The following RNF32 variants were observed in gnomAD, a reference collection of about 807,000 sequenced individuals.
RNF32 encodes ring finger protein 32.
A neutral mutation model predicts 41.0 loss-of-function variants in RNF32; 36 were observed. The ratio of observed to expected loss-of-function variants is 0.88; its 90% confidence interval spans 0.67 to 1.16. The LOEUF (loss-of-function observed/expected upper bound fraction) is 1.16, where lower values mean the gene tolerates loss of function less well. Ranked by LOEUF, RNF32 falls within the 50% of genes most tolerant of loss-of-function variation. The probability of loss-of-function intolerance (pLI) is 0.00; values close to 1 mark genes in which losing one functional copy is unlikely to be tolerated. For synonymous variants in RNF32, 154 were observed against 160.9 expected (o/e 0.96, Z 0.32); for missense variants, 413 against 436.7 (o/e 0.95, Z 0.48).
intron 3 of RNF32, among the ~76,000 whole-genome samples, chr7:156,650,516 C>T (rs147600522): frequency 6.6e-6 from 1 of 152,302 alleles, no homozygotes; most frequent in African/African-American, 2.4e-5. Flanking sequence ...TACATTGTGG[C>T]CAGAGAGCAC....
chr7:156,663,067 C>G (rs976211350), intron 7 of RNF32, among the ~76,000 whole-genome samples: 2 of 152,080 alleles, frequency 1.3e-5, no homozygotes, highest in Non-Finnish European at 2.9e-5. Context: ...ATCTCCTGAT[C>G]TCGTGATCCA....
At chr7:156,661,783 T>G (rs552376974) in intron 7 of RNF32, among the ~76,000 whole-genome samples, 1 of 152,362 alleles carries the variant, frequency 6.6e-6, no homozygotes, top group Non-Finnish European at 1.5e-5. Flanking sequence ...ATTAATGTTA[T>G]GGGTCACTGA....
At chr7:156,657,210 C>T (rs937710307) in intron 4 of RNF32, among the ~76,000 whole-genome samples, 3 of 152,174 alleles carry the variant, frequency 2.0e-5, no homozygotes, top group African/African-American at 7.2e-5. Context: ...ACAGGCCCCC[C>T]TCCTCACCCC....
chr7:156,646,342 T>C, intron 3 of RNF32: 1 of 1,095,046 alleles, frequency 9.1e-7, no homozygotes, highest in Admixed American at 2.4e-5. Context: ...CTTTCCCTGG[T>C]GGTTCCTGGC....
chr7:156,645,896 T>C (rs1341925193), intron 3 of RNF32, among the ~76,000 whole-genome samples: 1 of 152,242 alleles, frequency 6.6e-6, no homozygotes, highest in Non-Finnish European at 1.5e-5. Flanking sequence ...TCTGTAATAC[T>C]TTTTCCATCT....
At chr7:156,675,613 A>C in intron 7 of RNF32, 83 bp from the exon 8 acceptor site, 1 of 1,181,946 alleles carries the variant, frequency 8.5e-7, no homozygotes, top group Non-Finnish European at 1.2e-6. Context: ...GGTTACCAAA[A>C]TAGATGGTCA....
intron 7 of RNF32, among the ~76,000 whole-genome samples, chr7:156,660,817 G>A (rs1369840627): frequency 1.3e-5 from 2 of 152,230 alleles, no homozygotes; most frequent in Non-Finnish European, 1.5e-5. Context: ...CACCCCGGGC[G>A]GTTGGATTAC....
At chr7:156,653,210 C>T (rs2131429072) in intron 3 of RNF32, among the ~76,000 whole-genome samples, 1 of 152,158 alleles carries the variant, frequency 6.6e-6, no homozygotes, top group South Asian at 2.1e-4. Flanking sequence ...ATACCTTTTC[C>T]ATGTTTGGAA....
intron 1 of RNF32, among the ~76,000 whole-genome samples, chr7:156,642,274 A>G (rs1249065135): frequency 6.6e-6 from 1 of 152,216 alleles, no homozygotes; most frequent in Non-Finnish European, 1.5e-5. Context: ...ATTCCTGGTC[A>G]CAAAAACATC....
intron 3 of RNF32, chr7:156,646,525 C>T (rs1377511963): frequency 3.9e-6 from 5 of 1,290,276 alleles, no homozygotes; most frequent in Non-Finnish European, 5.1e-6. Context: ...TGCAAAGACC[C>T]TATTTCCAAA....
rs150513856 is a variant in RNF32 at position 156,659,395 on chromosome 7, G to A, written c.684+825G>A. 1.5e-4 allele frequency: 150 copies of A among 985,814 alleles called. No individual in the cohort carries two copies. In the East Asian group the frequency reaches 7.9e-3, roughly 52 times the overall value. The allele number at this position is 985,814 out of a possible 1,614,324, so 61.1% of individuals were successfully genotyped here. On this transcript the variant is annotated intron_variant, in intron 7 of 8. Transcript: ENST00000317955. ...CTGATCTTCAGAGATCATTCGTCTC[G>A]GGTGTTCATTCTCAATTTGGTAAAG...
At chr7:156,672,376 GAGATAGGACCTGT>G (rs1272372543) in intron 7 of RNF32, among the ~76,000 whole-genome samples, 2 of 152,132 alleles carry the variant, frequency 1.3e-5, no homozygotes, top group African/African-American at 2.4e-5. Context: ...ACTAATAAAG[GAGATAGGACCTGT>G]ATGCCACAGT....
chr7:156,674,230 A>C (rs1293148451), intron 7 of RNF32, among the ~76,000 whole-genome samples: 1 of 152,196 alleles, frequency 6.6e-6, no homozygotes, highest in Non-Finnish European at 1.5e-5. Flanking sequence ...GGGCTCGGGA[A>C]CTGTCTCCCT....
intron 3 of RNF32, among the ~76,000 whole-genome samples, chr7:156,649,537 ATTG>A (rs1213876551): frequency 6.6e-6 from 1 of 151,646 alleles, no homozygotes; most frequent in African/African-American, 2.4e-5. Flanking sequence ...CCCTTTGTTT[ATTG>A]TTGTTTTGTG....
chr7:156,661,219 C>T (rs1800616632), intron 7 of RNF32, among the ~76,000 whole-genome samples: 2 of 148,834 alleles, frequency 1.3e-5, no homozygotes, highest in South Asian at 4.2e-4. Context: ...GCATAAGGGG[C>T]ATCTCACCTT....
intron 4 of RNF32, 183 bp downstream of exon 4, chr7:156,654,901 A>G: frequency 1.9e-6 from 1 of 522,242 alleles, no homozygotes; most frequent in Non-Finnish European, 3.4e-6. Flanking sequence ...CCCTCATTAA[A>G]TAGTTTTGTT....
At chr7:156,676,277 C>T in intron 8 of RNF32, 142 bp from the exon 9 acceptor site, 1 of 1,559,626 alleles carries the variant, frequency 6.4e-7, no homozygotes, top group Non-Finnish European at 8.7e-7. Context: ...AAATAAAATG[C>T]ATGTGATTTT....
chr7:156,654,705 A>T lies in RNF32; in HGVS notation c.404A>T (p.Glu135Val). ...QPCPICKEEF[E>V]LRPQVLLSCS... ...TGCCCCATCTGTAAAGAAGAATTCG[A>T]GCTTCGTCCTCAGGTGTTTAGCATA... is the stretch of plus-strand genomic sequence containing the variant. The change falls in exon 4 of 9, where the codon GAG becomes GTG. Residue 135 changes from glutamate to valine, a missense_variant. Coordinates refer to ENST00000317955, the MANE Select transcript of RNF32 (RefSeq NM_030936.4). 1 of 1,614,028 alleles carries T rather than the reference A, an allele frequency of 6.2e-7. No homozygotes were observed.
chr7:156,663,977 G>A (rs796285280), intron 7 of RNF32, among the ~76,000 whole-genome samples: 14 of 152,230 alleles, frequency 9.2e-5, no homozygotes, highest in African/African-American at 3.4e-4. Flanking sequence ...TAGCTTCCTG[G>A]GTGCCTGCTC....
Sources: allele counts gnomAD v4.1 joint callset (sites outside exome capture counted in the v4.1 genomes callset), GRCh38; gene constraint gnomAD v4.1.1; transcripts MANE v1.5; gene names NCBI Gene and HGNC (gene_info 2026-07-23, HGNC 2026-07-21).